The following WWC1 variants were observed in gnomAD, a reference collection of about 807,000 sequenced individuals.
WWC1 encodes the protein protein KIBRA.
Under a neutral mutation model 138.4 loss-of-function variants are expected in WWC1, and 55 were observed. The observed-to-expected ratio is 0.40, with a 90% confidence interval of 0.32 to 0.50. WWC1 has a LOEUF of 0.50. Among genes scored for constraint, WWC1 ranks in the 20% least tolerant of loss-of-function variants. The pLI, the probability that WWC1 is intolerant of heterozygous loss-of-function variation, is 0.72. For missense variants in WWC1, 1,226 were observed against 1,420.4 expected, an observed-to-expected ratio of 0.86 and a Z score of 2.20; for synonymous variants, 524 against 564.9, an observed-to-expected ratio of 0.93 and a Z score of 1.03.
At chr5:168,353,661 G>A (rs10078070) in intron 1 of WWC1, among the ~76,000 whole-genome samples, 8,759 of 152,294 alleles carry the variant, frequency 0.058, 349 homozygotes, top group African/African-American at 0.11. Flanking sequence ...GCTGTGTGCC[G>A]TCAGGCCAAT....
chr5:168,364,751 A>C (rs568735978), intron 1 of WWC1, among the ~76,000 whole-genome samples: 2 of 152,192 alleles, frequency 1.3e-5, no homozygotes, highest in Non-Finnish European at 2.9e-5. Context: ...GGTCAGAGGA[A>C]TAATCCAAAG....
chr5:168,422,717 G>A (rs1292659410), intron 10 of WWC1, among the ~76,000 whole-genome samples: 1 of 152,212 alleles, frequency 6.6e-6, no homozygotes. Context: ...CAGTGCATCA[G>A]TGGAATTCAA....
In WWC1 at chr5:168,397,712, T is replaced by G; in HGVS notation, c.434-12T>G. ...TTCTACTGATATTCTTGTTTTTCTTTTTTCCTTACAGTGGTCTCTGGTTCA... is the reference window on the plus strand; with the variant it reads ...TTCTACTGATATTCTTGTTTTTCTTGTTTCCTTACAGTGGTCTCTGGTTCA... On this transcript the variant is annotated splice_polypyrimidine_tract_variant and intron_variant, in intron 3 of 22. Transcript: ENST00000265293. 1 of 1,613,888 alleles carries G rather than the reference T, an allele frequency of 6.2e-7. No homozygotes were observed. Among genetic ancestry groups the G allele is most frequent in the Non-Finnish European group, 8.5e-7 (1 of 1,179,864 alleles).
intron 1 of WWC1, among the ~76,000 whole-genome samples, chr5:168,355,108 GAC>G (rs1747672025): frequency 6.6e-6 from 1 of 152,202 alleles, no homozygotes; most frequent in South Asian, 2.1e-4. Flanking sequence ...GGGAGAGACA[GAC>G]AGTCAACATA....
intron 18 of WWC1, 92 bp downstream of exon 18, chr5:168,454,192 C>T (rs370088508): frequency 1.3e-6 from 2 of 1,537,708 alleles, no homozygotes; most frequent in Non-Finnish European, 1.7e-6. Context: ...AGAGCTAAGT[C>T]TTGGCTTCCA....
intron 1 of WWC1, among the ~76,000 whole-genome samples, chr5:168,299,318 CTT>C (rs550730290): frequency 1.3e-5 from 2 of 152,188 alleles, no homozygotes; most frequent in Non-Finnish European, 2.9e-5. Context: ...CAGGGAGAGA[CTT>C]TGCTAAGGAG....
chr5:168,460,684 C>G lies in WWC1; in HGVS notation c.2858C>G (p.Ser953Cys). 1.2e-6 allele frequency: 2 copies of G among 1,614,132 alleles called. No homozygotes were observed. Among genetic ancestry groups the G allele is most frequent in the Non-Finnish European group, 1.7e-6 (2 of 1,180,024 alleles). ...NRSDSDSSTL[S>C]KKPPFVRNSL... ...AGTGATAGTGACAGCTCCACTCTGT[C>G]CAAAAAGCCACCTTTTGTTCGAAAC... Residue 953 changes from serine to cysteine, a missense_variant, in exon 20 of 23, where the codon TCC becomes TGC. Physicochemically the swap from Ser to Cys is moderately radical, Grantham distance 112. Transcript: ENST00000265293.
At chr5:168,385,566 A>G in intron 3 of WWC1, 152 bp downstream of exon 3, 2 of 759,452 alleles carry the variant, frequency 2.6e-6, no homozygotes, top group Non-Finnish European at 2.1e-6. Context: ...TCCTGCTCCT[A>G]CCTGTGCCTT....
At position 168,318,059 on chromosome 5, in the gene WWC1, A is replaced by ATT. The variant is rs79300119; in HGVS notation, c.119+25799_119+25800dup. On this transcript the variant is annotated intron_variant, in intron 1 of 22. Transcript: ENST00000265293. Reference sequence around the variant, plus strand: ...TTGCTGCTCTCTTTGATAAAGTATGATTTTTTTTTTTTAACTTTCTGATTA... The same window carrying ATT: ...TTGCTGCTCTCTTTGATAAAGTATGATTTTTTTTTTTTTTAACTTTCTGATTA... 2.0e-5 allele frequency among the ~76,000 whole-genome samples: 3 copies of ATT among 146,556 alleles called. No homozygotes were observed. The East Asian group carries it at 5.9e-4, about 29-fold the overall frequency.
At chr5:168,397,875 G>C in intron 4 of WWC1, 75 bp downstream of exon 4, 1 of 1,503,352 alleles carries the variant, frequency 6.7e-7, no homozygotes, top group South Asian at 1.1e-5. Flanking sequence ...CCACCCACAA[G>C]ACCAGAACAG....
At position 168,385,279 on chromosome 5, in the gene WWC1, C is replaced by T; in HGVS notation, c.298C>T (p.Leu100=). ...REQEHMLKDY[L]VVAQEALSAQ... ...GCAGGAACATATGCTGAAGGATTAC[C>T]TGGTGGTGGCCCAGGAGGCTCTGAG... Residue 100 remains leucine, a synonymous_variant, in exon 3 of 23, where the codon CTG becomes TTG. Coordinates refer to ENST00000265293, the MANE Select transcript of WWC1 (RefSeq NM_015238.3). The T allele has an allele frequency of 6.2e-7, 1 of 1,614,136 alleles. No homozygotes were observed. The highest frequency in any genetic ancestry group is 8.5e-7 in the Non-Finnish European group (1 of 1,180,022).
In WWC1 at chr5:168,428,094, C is replaced by G. The variant is rs6874818; in HGVS notation, c.1872C>G (p.Asp624Glu). 4.3e-6 allele frequency: 7 copies of G among 1,613,646 alleles called. No homozygotes were observed. Among genetic ancestry groups the G allele is most frequent in the East Asian group, 2.2e-5 (1 of 44,874 alleles). ...KVACVSAAVS[D>E]ESVAGDSGVY... The stretch of plus-strand genomic sequence containing the variant: ...CCTGTGTCTCAGCCGCCGTATCGGA[C>G]GAGTCAGTGGCTGGAGACAGTGGTG... The change falls in exon 12 of 23, where the codon GAC (aspartate) becomes GAG (glutamate). Residue 624 changes from aspartate (D) to glutamate (E), a missense_variant. Transcript: ENST00000265293.
chr5:168,395,907 T>C (rs1261947308), intron 3 of WWC1, among the ~76,000 whole-genome samples: 1 of 152,252 alleles, frequency 6.6e-6, no homozygotes, highest in African/African-American at 2.4e-5. Flanking sequence ...TTTAATGCCT[T>C]ATGCATAACC....
At chr5:168,468,226 C>G (rs898204569) in intron 22 of WWC1, among the ~76,000 whole-genome samples, 14 of 152,232 alleles carry the variant, frequency 9.2e-5, no homozygotes, top group African/African-American at 3.4e-4. Flanking sequence ...CCTGCTCCAG[C>G]CTTTCCTCGT....
chr5:168,395,787 CATT>C (rs996224813), intron 3 of WWC1, among the ~76,000 whole-genome samples: 2 of 152,212 alleles, frequency 1.3e-5, no homozygotes, highest in African/African-American at 2.4e-5. Context: ...TCTCCATCAT[CATT>C]ATCATTGTAA....
chr5:168,433,225 A>G (rs1051368286), intron 15 of WWC1, among the ~76,000 whole-genome samples: 1 of 152,226 alleles, frequency 6.6e-6, no homozygotes. Context: ...CCATGCACAC[A>G]AGTTACCTGG....
chr5:168,363,381 C>T lies in WWC1; in HGVS notation c.120-8043C>T, dbSNP rs554089509. Among the ~76,000 whole-genome samples, 12 of 151,748 alleles carry T rather than the reference C, an allele frequency of 7.9e-5. No individual in the cohort carries two copies. The South Asian group carries it at 1.9e-3, about 24-fold the overall frequency. On this transcript the variant is annotated intron_variant, in intron 1 of 22. Coordinates refer to ENST00000265293, the MANE Select transcript of WWC1 (RefSeq NM_015238.3). ...TCTACTAAAAGTACAAAAATTAGCC[C>T]GGCATGGTGGCGGGCACCTGTAGTC...
intron 1 of WWC1, among the ~76,000 whole-genome samples, chr5:168,367,195 A>G (rs181506492): frequency 1.3e-5 from 2 of 152,220 alleles, no homozygotes; most frequent in African/African-American, 4.8e-5. Flanking sequence ...GAAGGTCCCA[A>G]ATATGCTAAA....
At chr5:168,463,030 G>A (rs1356744761) in intron 20 of WWC1, among the ~76,000 whole-genome samples, 3 of 152,166 alleles carry the variant, frequency 2.0e-5, no homozygotes, top group African/African-American at 4.8e-5. Context: ...CTTGCCAGCC[G>A]TGCAAAATGA....
Sources: gnomAD v4.1 joint callset for allele counts (sites outside exome capture counted in the v4.1 genomes callset) on GRCh38, gnomAD v4.1.1 for gene constraint, MANE v1.5 for transcripts, NCBI Gene and HGNC (gene_info 2026-07-23, HGNC 2026-07-21) for gene names.